DLG2: variants seen among roughly 807,000 people sequenced by gnomAD.
DLG2 encodes discs large MAGUK scaffold protein 2.
DLG2 carries 45 observed loss-of-function variants against 132.5 expected under a neutral mutation model. The observed-to-expected ratio is 0.34, with a 90% CI of 0.27 to 0.44. DLG2 has a LOEUF of 0.44. Among genes scored for constraint, DLG2 ranks in the 20% least tolerant of loss-of-function variants. The probability of loss-of-function intolerance (pLI) is 1.00; values close to 1 mark genes in which losing one functional copy is unlikely to be tolerated. For missense variants in DLG2, 1,045 were observed against 1,196.9 expected, an observed-to-expected ratio of 0.87 and a Z score of 1.87; for synonymous variants, 424 against 419.6, an observed-to-expected ratio of 1.01 and a Z score of -0.13.
intron 7 of DLG2, among the ~76,000 whole-genome samples, chr11:84,522,738 C>G (rs1367537): frequency 0.77 from 117,816 of 152,166 alleles, 46,961 homozygotes; most frequent in African/African-American, 0.95. Context: ...TACCAATAGA[C>G]GCATTTAAAA....
intron 6 of DLG2, among the ~76,000 whole-genome samples, chr11:84,946,911 C>A (rs1440911997): frequency 6.6e-6 from 1 of 152,150 alleles, no homozygotes; most frequent in African/African-American, 2.4e-5. Context: ...ATGAATGATT[C>A]CCCTCTGGCT....
chr11:83,596,421 G>A (rs1032061877), intron 19 of DLG2, among the ~76,000 whole-genome samples: 17 of 152,138 alleles, frequency 1.1e-4, no homozygotes, highest in Middle Eastern at 6.8e-3. Context: ...AATTTAGAAT[G>A]TTGCCTTGCT....
chr11:84,814,972 G>T (rs770244103), intron 6 of DLG2, among the ~76,000 whole-genome samples: 3 of 152,062 alleles, frequency 2.0e-5, no homozygotes, highest in Non-Finnish European at 4.4e-5. Context: ...GAGACATGTA[G>T]AGAAGGGGAG....
At position 85,400,880 on chromosome 11, in the gene DLG2, T is replaced by C. The variant is rs2088011081; in HGVS notation, c.41-115515A>G. Among the ~76,000 whole-genome samples, 4 of 150,412 alleles carry C rather than the reference T, an allele frequency of 2.7e-5. No individual in the cohort carries two copies. The South Asian group carries it at 8.4e-4, about 32-fold the overall frequency. The stretch of plus-strand genomic sequence containing the variant: ...CACACCAGCATGGCACATGTATACA[T>C]ACGTAACTAACCTGCACATTGTGCA... On this transcript the variant is annotated intron_variant, in intron 3 of 27. Transcript: ENST00000376104.
intron 4 of DLG2, among the ~76,000 whole-genome samples, chr11:85,219,184 C>T (rs1040609643): frequency 6.6e-6 from 1 of 152,086 alleles, no homozygotes; most frequent in African/African-American, 2.4e-5. Flanking sequence ...ACAATATCCA[C>T]ATGTAACAAA....
intron 6 of DLG2, among the ~76,000 whole-genome samples, chr11:84,582,407 GTTAAAATACATAT>G: frequency 6.7e-6 from 1 of 148,528 alleles, no homozygotes; most frequent in South Asian, 2.2e-4. Flanking sequence ...ACTCTTTTAA[GTTAAAATACATAT>G]ATATTAAGTT....
chr11:83,996,013 A>C (rs2094002046), intron 11 of DLG2, among the ~76,000 whole-genome samples: 1 of 152,232 alleles, frequency 6.6e-6, no homozygotes, highest in Admixed American at 6.5e-5. Flanking sequence ...ATAGTAAAGG[A>C]AACAATCAAC....
intron 6 of DLG2, among the ~76,000 whole-genome samples, chr11:84,932,488 C>T (rs2048213877): frequency 6.6e-6 from 1 of 151,994 alleles, no homozygotes; most frequent in Non-Finnish European, 1.5e-5. Context: ...ACCTATTGAC[C>T]TGTCCTCTAA....
chr11:85,302,236 G>A lies in DLG2; in HGVS notation c.41-16871C>T, dbSNP rs561301248. 9.9e-5 allele frequency among the ~76,000 whole-genome samples: 15 copies of A among 152,204 alleles called. No homozygotes were observed. The South Asian group carries it at 3.1e-3, about 32-fold the overall frequency. On this transcript the variant is annotated intron_variant, in intron 3 of 27. Transcript: ENST00000376104. ...ATGATTTTGCCCTGAGTGACTTTTG[G>A]TCTGTTATTTCCAACTTTCTTTCTC...
At chr11:85,444,253 A>T (rs2091911014) in intron 3 of DLG2, among the ~76,000 whole-genome samples, 2 of 152,180 alleles carry the variant, frequency 1.3e-5, no homozygotes, top group Admixed American at 1.3e-4. Flanking sequence ...TATAAACTGG[A>T]AAAACGTATA....
intron 18 of DLG2, among the ~76,000 whole-genome samples, chr11:83,636,368 A>T (rs2153466862): frequency 6.6e-6 from 1 of 152,298 alleles, no homozygotes; most frequent in South Asian, 2.1e-4. Flanking sequence ...GTGAATAAAA[A>T]ATAAATGAGG....
intron 21 of DLG2, among the ~76,000 whole-genome samples, chr11:83,484,633 T>C (rs985055877): frequency 2.0e-5 from 3 of 152,142 alleles, no homozygotes; most frequent in African/African-American, 4.8e-5. Context: ...AGCTCTTACG[T>C]TGTGAGACTC....
At chr11:83,864,278 T>C (rs1240181348) in intron 16 of DLG2, among the ~76,000 whole-genome samples, 2 of 152,226 alleles carry the variant, frequency 1.3e-5, no homozygotes, top group African/African-American at 4.8e-5. Context: ...ATAATCACAC[T>C]GAATTACTAT....
chr11:85,365,950 G>A (rs2152907666), intron 3 of DLG2, among the ~76,000 whole-genome samples: 1 of 152,284 alleles, frequency 6.6e-6, no homozygotes, highest in Middle Eastern at 3.4e-3. Context: ...GGGGGCTAGG[G>A]GAGGGACAGC....
intron 3 of DLG2, among the ~76,000 whole-genome samples, chr11:85,356,973 T>C (rs1046479534): frequency 1.3e-5 from 2 of 152,176 alleles, no homozygotes; most frequent in African/African-American, 4.8e-5. Flanking sequence ...TCTGGGTTCT[T>C]ATGTCAGTCA....
Position 85,498,676 on chromosome 11 carries a change from G to T in DLG2, c.40+99981C>A, listed in dbSNP as rs182993355. 3.1e-3 allele frequency among the ~76,000 whole-genome samples: 473 copies of T among 151,822 alleles called. 1 individual carries two copies. Among genetic ancestry groups the T allele is most frequent in the Admixed American group, 6.7e-3 (102 of 15,276 alleles). ...TTATTCTAAAATTGACCACATAATTGGAAGTAAAAACACTCCTCAGGAATG... is the reference window on the plus strand; with the variant it reads ...TTATTCTAAAATTGACCACATAATTTGAAGTAAAAACACTCCTCAGGAATG... On this transcript the variant is annotated intron_variant, in intron 3 of 27. Transcript: ENST00000376104.
At chr11:84,288,738 T>C (rs974551115) in intron 7 of DLG2, among the ~76,000 whole-genome samples, 20 of 152,284 alleles carry the variant, frequency 1.3e-4, no homozygotes, top group African/African-American at 4.8e-4. Context: ...GACAGTGATA[T>C]GTAAACTCTT....
At chr11:84,018,415 T>TA (rs1252955712) in intron 11 of DLG2, among the ~76,000 whole-genome samples, 1 of 152,026 alleles carries the variant, frequency 6.6e-6, no homozygotes, top group African/African-American at 2.4e-5. Flanking sequence ...ATGCCTTTCT[T>TA]ATATAAGCTC....
chr11:85,243,688 C>T (rs2076003271), intron 4 of DLG2, among the ~76,000 whole-genome samples: 1 of 151,898 alleles, frequency 6.6e-6, no homozygotes, highest in Non-Finnish European at 1.5e-5. Context: ...AAATAAAGAG[C>T]ATATTAAAGG....
Sources: allele counts gnomAD v4.1 joint callset (sites outside exome capture counted in the v4.1 genomes callset), GRCh38; gene constraint gnomAD v4.1.1; transcripts MANE v1.5; gene names NCBI Gene and HGNC (gene_info 2026-07-23, HGNC 2026-07-21).